SLC25A48: variants seen among roughly 807,000 people sequenced by gnomAD.
SLC25A48 encodes solute carrier family 25 member 48, also known as CTC-321K16.1.
In SLC25A48, 29 loss-of-function variants were observed where a neutral mutation model predicts 32.2. The observed-to-expected ratio is 0.90, with a 90% confidence interval of 0.67 to 1.23. The LOEUF is 1.23. Among genes scored for constraint, SLC25A48 ranks in the 50% most tolerant of loss-of-function variants. The pLI is 0.00. For synonymous variants in SLC25A48, 164 were observed against 172.3 expected, an observed-to-expected ratio of 0.95 and a Z score of 0.38; for missense variants, 399 against 422.7, an observed-to-expected ratio of 0.94 and a Z score of 0.49.
chr5:135,777,408 T>C (rs1387802613), intron 3 of SLC25A48, among the ~76,000 whole-genome samples: 1 of 151,524 alleles, frequency 6.6e-6, no homozygotes, highest in Non-Finnish European at 1.5e-5. Flanking sequence ...TTTTATTATA[T>C]CCAGAGGGAG....
intron 4 of SLC25A48, among the ~76,000 whole-genome samples, chr5:135,820,817 T>G (rs942211843): frequency 6.6e-6 from 1 of 152,010 alleles, no homozygotes; most frequent in African/African-American, 2.4e-5. Context: ...GATTAAAGAG[T>G]TAAGTCTATA....
intron 1 of SLC25A48, among the ~76,000 whole-genome samples, chr5:135,605,767 C>A (rs1222798828): frequency 6.6e-6 from 1 of 152,008 alleles, no homozygotes; most frequent in Non-Finnish European, 1.5e-5. Context: ...GTCTTGGATC[C>A]CGGGAAAATG....
intron 1 of SLC25A48, among the ~76,000 whole-genome samples, chr5:135,628,368 G>A (rs953707006): frequency 2.6e-5 from 4 of 152,190 alleles, no homozygotes; most frequent in African/African-American, 9.7e-5. Context: ...GGCAAATGCA[G>A]AATATCTTGA....
intron 3 of SLC25A48, among the ~76,000 whole-genome samples, chr5:135,716,631 G>T (rs1047550234): frequency 7.9e-5 from 12 of 152,202 alleles, no homozygotes; most frequent in African/African-American, 2.9e-4. Flanking sequence ...CTGTCAGCCA[G>T]TATCAGGTAA....
At chr5:135,611,985 A>G (rs933665526) in intron 1 of SLC25A48, among the ~76,000 whole-genome samples, 2 of 152,236 alleles carry the variant, frequency 1.3e-5, no homozygotes, top group Non-Finnish European at 2.9e-5. Context: ...TGTTATTAGC[A>G]TTAATAAGAG....
chr5:135,581,943 C>G (rs1751243971), intron 1 of SLC25A48, among the ~76,000 whole-genome samples: 1 of 152,248 alleles, frequency 6.6e-6, no homozygotes, highest in African/African-American at 2.4e-5. Context: ...CCGAGGGCCT[C>G]TGAGCAGGTG....
At chr5:135,884,603 C>G (rs1762653652) in intron 7 of SLC25A48, among the ~76,000 whole-genome samples, 1 of 152,130 alleles carries the variant, frequency 6.6e-6, no homozygotes. Context: ...GCCTGCCTGT[C>G]TGCCCCAGTA....
chr5:135,703,570 C>T (rs1421353706), intron 3 of SLC25A48, among the ~76,000 whole-genome samples: 2 of 152,164 alleles, frequency 1.3e-5, no homozygotes, highest in Non-Finnish European at 2.9e-5. Flanking sequence ...CCCGTCTCTG[C>T]CTGGTTAACC....
intron 7 of SLC25A48, chr5:135,883,332 G>T (rs1279733526): frequency 1.0e-6 from 1 of 985,336 alleles, no homozygotes; most frequent in Admixed American, 6.1e-5. Context: ...CAAACGAACA[G>T]AACAAAACAA....
At chr5:135,612,177 T>C (rs1326522715) in intron 1 of SLC25A48, among the ~76,000 whole-genome samples, 3 of 152,212 alleles carry the variant, frequency 2.0e-5, no homozygotes, top group Admixed American at 1.3e-4. Context: ...TTACAAAACA[T>C]TGCTGAAAGT....
intron 1 of SLC25A48, among the ~76,000 whole-genome samples, chr5:135,604,344 C>T (rs893654080): frequency 2.0e-3 from 303 of 152,330 alleles, no homozygotes; most frequent in African/African-American, 6.9e-3. Flanking sequence ...TCTCTGTCTC[C>T]TTAATCCTCA....
At chr5:135,835,201 G>A (rs747415016) in intron 1 of SLC25A48, 3 of 603,386 alleles carry the variant, frequency 5.0e-6, no homozygotes, top group Non-Finnish European at 9.3e-6. Flanking sequence ...GGCTCCTGGC[G>A]GCGCACACAC....
intron 1 of SLC25A48, among the ~76,000 whole-genome samples, chr5:135,598,242 C>T (rs949049933): frequency 6.6e-6 from 1 of 152,190 alleles, no homozygotes; most frequent in African/African-American, 2.4e-5. Context: ...TGATTGTCCC[C>T]TATAAAACAA....
intron 3 of SLC25A48, among the ~76,000 whole-genome samples, chr5:135,696,435 AAG>A (rs1754268622): frequency 5.9e-5 from 9 of 152,240 alleles, no homozygotes; most frequent in Admixed American, 5.9e-4. Context: ...GGTGTGAAGG[AAG>A]AGAGAGACAG....
At chr5:135,790,727 T>A (rs1757004711) in intron 3 of SLC25A48, among the ~76,000 whole-genome samples, 1 of 150,320 alleles carries the variant, frequency 6.7e-6, no homozygotes. Context: ...GTGTATACAC[T>A]GTGTGATATT....
At chr5:135,706,636 A>T (rs1754514932) in intron 3 of SLC25A48, among the ~76,000 whole-genome samples, 1 of 152,140 alleles carries the variant, frequency 6.6e-6, no homozygotes, top group Admixed American at 6.5e-5. Context: ...CGCATGGAGA[A>T]AGGGCACCTA....
Position 135,717,974 on chromosome 5 carries a change from A to G in SLC25A48, c.-521+83018A>G, listed in dbSNP as rs533600363. On this transcript the variant is annotated intron_variant, in intron 3 of 10. Coordinates refer to the SLC25A48 transcript ENST00000646290. ...CACGTAAGTCAAATTTAAAAAGTCAATTTTCTGGAAATTAATTGTGGGCTT... is the reference window on the plus strand; with the variant it reads ...CACGTAAGTCAAATTTAAAAAGTCAGTTTTCTGGAAATTAATTGTGGGCTT... Among the ~76,000 whole-genome samples, 482 of 151,898 alleles carry G rather than the reference A, an allele frequency of 3.2e-3. 3 individuals carry two copies. The highest frequency in any genetic ancestry group is 0.011 in the African/African-American group (443 of 41,402).
At chr5:135,827,305 T>G (rs1172170133) in intron 4 of SLC25A48, 1 of 152,266 alleles carries the variant, frequency 6.6e-6, no homozygotes, top group Non-Finnish European at 1.5e-5. Context: ...TCCCTGCTCC[T>G]CCACCCGATG....
At chr5:135,621,660 T>C (rs1752327643) in intron 1 of SLC25A48, among the ~76,000 whole-genome samples, 1 of 152,180 alleles carries the variant, frequency 6.6e-6, no homozygotes, top group Non-Finnish European at 1.5e-5. Flanking sequence ...AAGGGTTATT[T>C]GATAAATATA....
Sources: gnomAD v4.1 joint callset for allele counts (sites outside exome capture counted in the v4.1 genomes callset) on GRCh38, gnomAD v4.1.1 for gene constraint, MANE v1.5 for transcripts, NCBI Gene and HGNC (gene_info 2026-07-23, HGNC 2026-07-21) for gene names.